USP7: variants seen among roughly 807,000 people sequenced by gnomAD.
USP7 encodes the protein ubiquitin C-terminal hydrolase 7.
A neutral mutation model predicts 162.9 loss-of-function variants in USP7; 9 were observed. The ratio of observed to expected loss-of-function variants is 0.06; its 90% CI spans 0.03 to 0.10. The LOEUF is 0.10. Ranked by LOEUF, USP7 falls within the 10% of genes least tolerant of loss-of-function variation. USP7 has a pLI of 1.00. For missense variants in USP7, 715 were observed against 1,373.7 expected, an observed-to-expected ratio of 0.52 and a Z score of 7.58; for synonymous variants, 562 against 475.9, an observed-to-expected ratio of 1.18 and a Z score of -2.35.
At chr16:8,910,316 C>G (rs777622858) in intron 11 of USP7, among the ~76,000 whole-genome samples, 13 of 152,154 alleles carry the variant, frequency 8.5e-5, no homozygotes, top group Non-Finnish European at 1.6e-4. Context: ...CCCTAGAGAA[C>G]ACACTACTCA....
At chr16:8,948,481 G>A (rs542505858) in intron 1 of USP7, among the ~76,000 whole-genome samples, 1 of 152,254 alleles carries the variant, frequency 6.6e-6, no homozygotes, top group South Asian at 2.1e-4. Context: ...TGCCACACCT[G>A]GCCCCCAGTT....
chr16:8,915,617 A>AT (rs1224991785), intron 8 of USP7, 92 bp from the exon 9 acceptor site: 7 of 1,148,262 alleles, frequency 6.1e-6, no homozygotes, highest in Non-Finnish European at 8.8e-6. Context: ...TCAATGTTCA[A>AT]AGAAGTTGTA....
chr16:8,928,874 G>T (rs891304078), intron 2 of USP7, among the ~76,000 whole-genome samples: 1 of 152,156 alleles, frequency 6.6e-6, no homozygotes, highest in South Asian at 2.1e-4. Flanking sequence ...ATTCTCCCCA[G>T]GAGACACCTG....
chr16:8,899,856 G>A, intron 21 of USP7, 99 bp from the exon 22 acceptor site: 5 of 1,383,088 alleles, frequency 3.6e-6, no homozygotes, highest in Non-Finnish European at 5.1e-6. Context: ...ACACCAACAG[G>A]CTCTCTTGCA....
intron 27 of USP7, 131 bp downstream of exon 27, chr16:8,895,511 G>T: frequency 1.2e-6 from 1 of 852,950 alleles, no homozygotes; most frequent in Non-Finnish European, 1.9e-6. Flanking sequence ...TCCACTCATG[G>T]AATCATATAC....
chr16:8,956,825 T>C (rs376151871), intron 1 of USP7, among the ~76,000 whole-genome samples: 167 of 150,150 alleles, frequency 1.1e-3, no homozygotes, highest in Non-Finnish European at 1.8e-3. Flanking sequence ...AGGCACAGGA[T>C]AGTAAGAGCC....
At chr16:8,898,183 C>T (rs1171219912) in intron 25 of USP7, among the ~76,000 whole-genome samples, 177 bp downstream of exon 25, 1 of 152,140 alleles carries the variant, frequency 6.6e-6, no homozygotes, top group African/African-American at 2.4e-5. Context: ...CCCCAGAGGC[C>T]TCAGGAGGTC....
Position 8,961,010 on chromosome 16 carries a change from G to A in USP7, c.79+2197C>T, listed in dbSNP as rs150732455. Among the ~76,000 whole-genome samples, 9 of 152,314 alleles carry A rather than the reference G, an allele frequency of 5.9e-5. No individual in the cohort carries two copies. The East Asian group carries it at 1.7e-3, about 29-fold the overall frequency. On this transcript the variant is annotated intron_variant, in intron 1 of 30. Coordinates refer to ENST00000344836, the MANE Select transcript of USP7 (RefSeq NM_003470.3). ...TCTTAAGTTTAAGGAATCAGCATTAGTAACTAAAACCTCTGCCATCCAATT... is the reference window on the plus strand; with the variant it reads ...TCTTAAGTTTAAGGAATCAGCATTAATAACTAAAACCTCTGCCATCCAATT...
At chr16:8,907,748 A>C (rs2061882955) in intron 12 of USP7, among the ~76,000 whole-genome samples, 1 of 152,216 alleles carries the variant, frequency 6.6e-6, no homozygotes, top group African/African-American at 2.4e-5. Context: ...CAGCAGTTCA[A>C]GGCTGCAGTG....
At chr16:8,934,745 T>C (rs979146934) in intron 1 of USP7, among the ~76,000 whole-genome samples, 7 of 152,196 alleles carry the variant, frequency 4.6e-5, no homozygotes, top group Non-Finnish European at 7.4e-5. Context: ...TCAAGGCCAG[T>C]GGCTGTGAAA....
chr16:8,947,504 C>T (rs1482032817), intron 1 of USP7, among the ~76,000 whole-genome samples: 2 of 152,130 alleles, frequency 1.3e-5, no homozygotes, highest in Non-Finnish European at 2.9e-5. Context: ...TGCACCACCA[C>T]ACCCAGCTAA....
chr16:8,915,622 G>T, intron 8 of USP7, 97 bp from the exon 9 acceptor site: 2 of 1,065,816 alleles, frequency 1.9e-6, no homozygotes, highest in South Asian at 1.5e-5. Flanking sequence ...GTTCAAAGAA[G>T]TTGTAGACTA....
At chr16:8,959,057 G>C (rs1232859654) in intron 1 of USP7, among the ~76,000 whole-genome samples, 1 of 152,096 alleles carries the variant, frequency 6.6e-6, no homozygotes, top group East Asian at 1.9e-4. Flanking sequence ...TACCACCAAG[G>C]CAACACCATG....
intron 1 of USP7, 58 bp downstream of exon 1, chr16:8,963,149 C>G: frequency 1.5e-6 from 2 of 1,351,372 alleles, no homozygotes; most frequent in Non-Finnish European, 1.9e-6. Flanking sequence ...CCCGCGGCTC[C>G]CCCGGCCACA....
chr16:8,917,284 G>C, intron 6 of USP7, 128 bp from the exon 7 acceptor site: 1 of 1,175,048 alleles, frequency 8.5e-7, no homozygotes, highest in South Asian at 2.0e-5. Context: ...GTTGTTGTTA[G>C]GGCTTTTAAC....
intron 11 of USP7, among the ~76,000 whole-genome samples, chr16:8,909,245 A>T (rs547365445): frequency 1.1e-4 from 17 of 152,208 alleles, no homozygotes; most frequent in Non-Finnish European, 2.2e-4. Context: ...CCCTCACTCC[A>T]TGTCTGACTC....
rs1053369849 is a variant in USP7 at position 8,893,891 on chromosome 16, G to A, written c.*107C>T. 19 of 963,690 alleles carry A rather than the reference G, an allele frequency of 2.0e-5. No individual in the cohort carries two copies. The highest frequency in any genetic ancestry group is 1.2e-4 in the East Asian group (5 of 41,456). The allele number at this position is 963,690 out of a possible 1,614,324, so 59.7% of individuals were successfully genotyped here. On this transcript the variant is annotated 3_prime_UTR_variant, in exon 31 of 31. Transcript: ENST00000344836. ...ATAAAATAAAATTAACACCAGCAGC[G>A]AATCCTCTTGCTGAAGACTTCGGCT...
intron 1 of USP7, among the ~76,000 whole-genome samples, chr16:8,942,958 G>T (rs1434586725): frequency 6.6e-6 from 1 of 152,172 alleles, no homozygotes; most frequent in Non-Finnish European, 1.5e-5. Context: ...GTTGCCTTCA[G>T]TTCTGTACCT....
intron 13 of USP7, among the ~76,000 whole-genome samples, chr16:8,905,935 G>A (rs1413601350): frequency 1.3e-5 from 2 of 152,192 alleles, no homozygotes; most frequent in African/African-American, 2.4e-5. Context: ...CCCCTTGGCA[G>A]GAGCTCGGTG....
Sources: gnomAD v4.1 joint callset for allele counts (sites outside exome capture counted in the v4.1 genomes callset) on GRCh38, gnomAD v4.1.1 for gene constraint, MANE v1.5 for transcripts, NCBI Gene and HGNC (gene_info 2026-07-23, HGNC 2026-07-21) for gene names.